The following HECTD4 variants were observed in gnomAD, a reference collection of about 807,000 sequenced individuals.
The protein encoded by HECTD4 is probable E3 ubiquitin-protein ligase HECTD4.
Under a neutral mutation model 471.5 loss-of-function variants are expected in HECTD4, and 114 were observed. The observed-to-expected ratio is 0.24, with a 90% confidence interval of 0.21 to 0.28. HECTD4 has a LOEUF of 0.28. HECTD4 is among the 10% of genes least tolerant of loss of function. The pLI is 1.00. For missense variants in HECTD4, 3,866 were observed against 5,651.5 expected, an observed-to-expected ratio of 0.68 and a Z score of 10.13; for synonymous variants, 2,012 against 2,256.0, an observed-to-expected ratio of 0.89 and a Z score of 3.07.
In HECTD4 at chr12:112,265,280, A is replaced by G; in HGVS notation, c.2514T>C (p.Leu838=). ...EDDHYRLNDE[L]LHYILKIVVR... is the part of the protein sequence containing the mutation. ...CAACAATCTTCAGAATGTAGTGTAA[A>G]AGTTCATCATTTAGTCTTTAAAATG... Residue 838 remains leucine, a synonymous_variant, in exon 16 of 76, where the codon CTT becomes CTC. Coordinates refer to ENST00000682272, the MANE Select transcript of HECTD4 (RefSeq NM_001388303.1). 6.4e-7 allele frequency: 1 copy of G among 1,570,406 alleles called. No homozygotes were observed. The highest frequency in any genetic ancestry group is 8.7e-7 in the Non-Finnish European group (1 of 1,150,754).
At chr12:112,345,246 C>A (rs1263839316) in intron 1 of HECTD4, among the ~76,000 whole-genome samples, 2 of 151,036 alleles carry the variant, frequency 1.3e-5, no homozygotes, top group African/African-American at 2.4e-5. Context: ...CAGAGCAAGA[C>A]CCTATCCCCT....
chr12:112,256,266 T>C, intron 21 of HECTD4, 54 bp downstream of exon 21: 2 of 1,262,012 alleles, frequency 1.6e-6, no homozygotes, highest in Non-Finnish European at 2.1e-6. Flanking sequence ...ATAAGAAGCA[T>C]CTAAGAATCA....
chr12:112,226,517 T>G, intron 44 of HECTD4, 126 bp downstream of exon 44: 1 of 527,334 alleles, frequency 1.9e-6, no homozygotes, highest in South Asian at 3.6e-5. Context: ...TTGTGACAGG[T>G]GTTGTCCTTA....
intron 7 of HECTD4, among the ~76,000 whole-genome samples, chr12:112,284,480 G>C (rs531373052): frequency 1.5e-4 from 23 of 152,356 alleles, no homozygotes; most frequent in African/African-American, 4.3e-4. Flanking sequence ...GAAGGGGCAA[G>C]AGAAAGTGAG....
intron 7 of HECTD4, among the ~76,000 whole-genome samples, chr12:112,303,968 A>G (rs1399356876): frequency 1.3e-5 from 2 of 152,056 alleles, no homozygotes; most frequent in African/African-American, 4.8e-5. Flanking sequence ...AACTTTGTTT[A>G]TATCTGGCGT....
chr12:112,223,628 C>A (rs1384280221), intron 44 of HECTD4, among the ~76,000 whole-genome samples: 1 of 152,206 alleles, frequency 6.6e-6, no homozygotes, highest in Non-Finnish European at 1.5e-5. Flanking sequence ...CCATATTGGC[C>A]AGGCTGTTCT....
In HECTD4 at chr12:112,254,099, G is replaced by C. The variant is rs761601165; in HGVS notation, c.3391C>G (p.Leu1131Val). The change falls in exon 22 of 76, where the codon CTG (leucine) becomes GTG (valine). Residue 1131 changes from leucine to valine, a missense_variant. Leu to Val is a conservative substitution (Grantham distance 32). Coordinates refer to ENST00000682272, the MANE Select transcript of HECTD4 (RefSeq NM_001388303.1). Reference protein sequence around the residue: ...RKVAEYGGNTLGYGSRSVLGT... With the variant: ...RKVAEYGGNTVGYGSRSVLGT... ...AAGACACTACGGCTGCCATATCCCAGTGTGTTGCCTCCATATTCAGCAACC... is the reference window on the plus strand; with the variant it reads ...AAGACACTACGGCTGCCATATCCCACTGTGTTGCCTCCATATTCAGCAACC... 9 of 1,613,844 alleles carry C rather than the reference G, an allele frequency of 5.6e-6. No individual in the cohort carries two copies. In the South Asian group the frequency reaches 8.8e-5, roughly 16 times the overall value.
At chr12:112,307,032 A>T (rs1236678314) in intron 6 of HECTD4, among the ~76,000 whole-genome samples, 1 of 152,232 alleles carries the variant, frequency 6.6e-6, no homozygotes, top group African/African-American at 2.4e-5. Context: ...AAATGACTGA[A>T]CATTAGAACC....
In HECTD4 at chr12:112,162,507, G is replaced by C. The variant is rs751035258; in HGVS notation, c.13137C>G (p.Arg4379=). 3 of 1,614,038 alleles carry C rather than the reference G, an allele frequency of 1.9e-6. No individual in the cohort carries two copies. The highest frequency in any genetic ancestry group is 2.5e-6 in the Non-Finnish European group (3 of 1,179,900). ...ACATGCAGGTCTCCACGCGGATGTA[G>C]CGAGAGTCTGGGGAACCTACAAGAA... ...PDGTAGSPDS[R]YIRVETCMFM... Residue 4379 remains arginine, a synonymous_variant, in exon 76 of 76, where the codon CGC becomes CGG. Coordinates refer to ENST00000682272, the MANE Select transcript of HECTD4 (RefSeq NM_001388303.1). The surrounding 1 kb of genome is among the most constrained non-coding windows in gnomAD (Gnocchi z 5.2).
At chr12:112,375,099 C>T (rs1481484598) in intron 1 of HECTD4, among the ~76,000 whole-genome samples, 1 of 152,164 alleles carries the variant, frequency 6.6e-6, no homozygotes, top group East Asian at 1.9e-4. Context: ...CTGCCTCTAT[C>T]CCCAGGTAAC....
At chr12:112,343,263 T>C (rs964605480) in intron 1 of HECTD4, among the ~76,000 whole-genome samples, 12 of 152,228 alleles carry the variant, frequency 7.9e-5, no homozygotes, top group Non-Finnish European at 5.9e-5. Flanking sequence ...CCACAGCACA[T>C]AGGTAGCATT....
chr12:112,169,947 TCTCTC>T (rs1344330542), intron 69 of HECTD4: 2 of 564,468 alleles, frequency 3.5e-6, no homozygotes, highest in Non-Finnish European at 6.4e-6. Flanking sequence ...CCCCAACTCC[TCTCTC>T]GTTTCCTCTG....
At chr12:112,182,732 G>A (rs1225861917) in intron 62 of HECTD4, among the ~76,000 whole-genome samples, 10 of 152,386 alleles carry the variant, frequency 6.6e-5, no homozygotes, top group Admixed American at 2.6e-4. Context: ...GCTGGAACGC[G>A]GCAGGCCTGT....
rs778218186 is a variant in HECTD4, at chr12:112,254,037, C to T, written c.3447+6G>A. 5.0e-5 allele frequency: 80 copies of T among 1,613,746 alleles called. No individual in the cohort carries two copies. Among genetic ancestry groups the T allele is most frequent in the Non-Finnish European group, 6.4e-5 (76 of 1,179,804 alleles). Reference sequence around the variant, plus strand: ...TCTAGGAAGCGATTATGACTGAATACCATACCTTCACCAAGTCTTTCGGCC... The same window carrying T: ...TCTAGGAAGCGATTATGACTGAATATCATACCTTCACCAAGTCTTTCGGCC... On this transcript the variant is annotated splice_donor_region_variant and intron_variant, in intron 22 of 75. Coordinates refer to ENST00000682272, the MANE Select transcript of HECTD4 (RefSeq NM_001388303.1).
intron 55 of HECTD4, among the ~76,000 whole-genome samples, chr12:112,198,258 G>A (rs1287923553): frequency 1.3e-5 from 2 of 152,190 alleles, no homozygotes; most frequent in African/African-American, 4.8e-5. Flanking sequence ...AGATGGTGAG[G>A]GCAGAGCTTT....
chr12:112,232,464 A>C (rs548125134), intron 38 of HECTD4, among the ~76,000 whole-genome samples: 21 of 152,250 alleles, frequency 1.4e-4, no homozygotes, highest in Non-Finnish European at 3.1e-4. Context: ...AACTGTGAAG[A>C]ACACCCTGTG....
chr12:112,298,881 CAA>C (rs374274010), intron 7 of HECTD4, among the ~76,000 whole-genome samples: 7,553 of 90,192 alleles, frequency 0.084, 1,045 homozygotes, highest in East Asian at 0.61. Flanking sequence ...GACTCCATCT[CAA>C]AAAAAAAAAA....
intron 6 of HECTD4, 102 bp from the exon 7 acceptor site, chr12:112,306,336 C>T (rs2035270915): frequency 2.1e-6 from 2 of 956,674 alleles, no homozygotes; most frequent in East Asian, 6.2e-5. Context: ...TGAGAATTCA[C>T]TAGGCTTTCT....
chr12:112,183,032 C>G, intron 62 of HECTD4, 27 bp downstream of exon 62: 1 of 1,558,710 alleles, frequency 6.4e-7, no homozygotes, highest in East Asian at 2.2e-5. Flanking sequence ...AAAAAGTCTA[C>G]AGATTAAAAA....
Sources: gnomAD v4.1 joint callset for allele counts (sites outside exome capture counted in the v4.1 genomes callset) on GRCh38, gnomAD v4.1.1 for gene constraint, Gnocchi (gnomAD v3.1) non-coding constraint, MANE v1.5 for transcripts, NCBI Gene and HGNC (gene_info 2026-07-23, HGNC 2026-07-21) for gene names.